Variants in MTA3 observed in about 807,000 individuals in gnomAD.
MTA3 encodes metastasis-associated protein MTA3.
Under a neutral mutation model 83.5 loss-of-function variants are expected in MTA3, and 34 were observed. The ratio of observed to expected loss-of-function variants is 0.41; its 90% CI spans 0.31 to 0.54. The LOEUF is 0.54. Among genes scored for constraint, MTA3 ranks in the 20% least tolerant of loss-of-function variants. The pLI is 0.33. For missense variants in MTA3, 761 were observed against 726.4 expected (o/e 1.05, Z -0.55); for synonymous variants, 303 against 252.7 (o/e 1.20, Z -1.89).
intron 16 of MTA3, among the ~76,000 whole-genome samples, chr2:42,728,448 A>G (rs1468585815): frequency 1.3e-5 from 2 of 152,190 alleles, no homozygotes; most frequent in East Asian, 1.9e-4. Flanking sequence ...TCTTTTGGGT[A>G]TATAACAGCA....
intron 3 of MTA3, among the ~76,000 whole-genome samples, chr2:42,597,045 C>T (rs570513245): frequency 5.3e-5 from 8 of 151,854 alleles, no homozygotes; most frequent in Admixed American, 4.6e-4. Context: ...GCTGGGACAA[C>T]AGGAGCAAAC....
chr2:42,639,570 T>C (rs1029333463), intron 4 of MTA3, among the ~76,000 whole-genome samples: 1 of 152,218 alleles, frequency 6.6e-6, no homozygotes, highest in South Asian at 2.1e-4. Flanking sequence ...CTGTCAGACC[T>C]CAAGGTCCGT....
At chr2:42,599,971 C>T (rs932924701) in intron 3 of MTA3, among the ~76,000 whole-genome samples, 8 of 151,464 alleles carry the variant, frequency 5.3e-5, no homozygotes, top group Non-Finnish European at 1.0e-4. Context: ...CCGAGGCGGG[C>T]GGATCACGAG....
chr2:42,625,218 G>C (rs1018522643), intron 4 of MTA3, among the ~76,000 whole-genome samples: 1 of 151,622 alleles, frequency 6.6e-6, no homozygotes, highest in African/African-American at 2.4e-5. Flanking sequence ...TTTTAGTAGA[G>C]ATGGGGTTTC....
chr2:42,673,149 A>G (rs1314982039), intron 8 of MTA3, among the ~76,000 whole-genome samples: 1 of 150,988 alleles, frequency 6.6e-6, no homozygotes, highest in Non-Finnish European at 1.5e-5. Flanking sequence ...CCACCACACC[A>G]GACCAGCATA....
At chr2:42,580,147 A>G (rs960582209) in intron 3 of MTA3, among the ~76,000 whole-genome samples, 4 of 151,938 alleles carry the variant, frequency 2.6e-5, no homozygotes, top group South Asian at 2.1e-4. Context: ...GAGTCTCCCT[A>G]TGTTTCTCAG....
At chr2:42,537,374 G>A (rs1251293767) in intron 2 of MTA3, among the ~76,000 whole-genome samples, 1 of 152,076 alleles carries the variant, frequency 6.6e-6, no homozygotes, top group Non-Finnish European at 1.5e-5. Flanking sequence ...GACCAGCCTG[G>A]CCAAACATGG....
intron 3 of MTA3, among the ~76,000 whole-genome samples, chr2:42,598,232 A>C: frequency 6.6e-6 from 1 of 151,666 alleles, no homozygotes; most frequent in South Asian, 2.1e-4. Flanking sequence ...CACCCAGCTA[A>C]TTTTTTGTAT....
At chr2:42,663,112 T>C (rs956296397) in intron 8 of MTA3, among the ~76,000 whole-genome samples, 12 of 152,228 alleles carry the variant, frequency 7.9e-5, no homozygotes, top group African/African-American at 2.4e-4. Flanking sequence ...TAAACTATTA[T>C]TTATGTAACC....
intron 14 of MTA3, among the ~76,000 whole-genome samples, chr2:42,715,487 A>G (rs905507977): frequency 7.0e-5 from 10 of 143,480 alleles, no homozygotes; most frequent in African/African-American, 2.4e-4. Context: ...ATCATGGCTC[A>G]CTATAGCCTC....
intron 4 of MTA3, chr2:42,613,645 G>A (rs969457344): frequency 2.6e-5 from 4 of 152,204 alleles, no homozygotes; most frequent in African/African-American, 9.6e-5. Flanking sequence ...ACTATCAAGT[G>A]CCCAGAATTT....
chr2:42,747,544 T>A lies in MTA3; in HGVS notation c.1760-5830T>A, dbSNP rs536182341. ...AAGGTCAAGGAGAGAGACTCTGTTT[T>A]CTGAGGCCTGCTCTTGAAGCTTTAA... On this transcript the variant is annotated intron_variant, in intron 16 of 16. Transcript: ENST00000405094. Among the ~76,000 whole-genome samples the A allele has an allele frequency of 2.0e-5, 3 of 151,952 alleles. No homozygotes were observed. In the East Asian group the frequency reaches 5.9e-4, roughly 30 times the overall value.
At chr2:42,532,853 G>T in intron 2 of MTA3, 1 of 375,928 alleles carries the variant, frequency 2.7e-6, no homozygotes. Context: ...GAGCTGGCTG[G>T]CACTTCAGTT....
chr2:42,648,912 A>G (rs1187356880), intron 6 of MTA3, among the ~76,000 whole-genome samples: 1 of 152,194 alleles, frequency 6.6e-6, no homozygotes, highest in African/African-American at 2.4e-5. Context: ...ACTATGTTTT[A>G]ATTGAGTAAC....
chr2:42,568,824 G>A (rs1393040596), intron 1 of MTA3, 51 bp downstream of exon 1: 2 of 1,210,568 alleles, frequency 1.7e-6, no homozygotes, highest in Middle Eastern at 3.0e-4. Context: ...TTCCGGGAGC[G>A]GGGGGCCGGG....
intron 2 of MTA3, among the ~76,000 whole-genome samples, chr2:42,495,869 G>A (rs1271182193): frequency 6.6e-6 from 1 of 152,194 alleles, no homozygotes; most frequent in Non-Finnish European, 1.5e-5. Flanking sequence ...AGAAGGGTCT[G>A]TTCTGAGAAA....
At chr2:42,573,413 A>C (rs1678704148) in intron 2 of MTA3, among the ~76,000 whole-genome samples, 1 of 151,982 alleles carries the variant, frequency 6.6e-6, no homozygotes, top group East Asian at 1.9e-4. Context: ...TGGTATGATG[A>C]TAGCTCACTG....
rs1667258095 is a variant in MTA3, at chr2:42,719,505, CTT to C, written c.1612+432_1612+433del. ...AAAATGAGATCAAACTGGTTTATAA[CTT>C]ATCTTAAAATAATTATAGGTTTTAA... On this transcript the variant is annotated intron_variant, in intron 15 of 16. Transcript: ENST00000405094. Among the ~76,000 whole-genome samples, 4 of 152,226 alleles carry C rather than the reference CTT, an allele frequency of 2.6e-5. No individual in the cohort carries two copies. The South Asian group carries it at 6.2e-4, about 24-fold the overall frequency.
rs187727088 is a variant in MTA3 at position 42,655,522 on chromosome 2, T to C, written c.500-678T>C. 2.0e-5 allele frequency among the ~76,000 whole-genome samples: 3 copies of C among 152,356 alleles called. No individual in the cohort carries two copies. In the East Asian group the frequency reaches 5.8e-4, roughly 29 times the overall value. ...TCTTCAGATTCTTATGCTATAACTG[T>C]TAATATGTGTCTCTTATTCTATTTA... On this transcript the variant is annotated intron_variant, in intron 6 of 16. Transcript: ENST00000405094.
Sources: gnomAD v4.1 joint callset for allele counts (sites outside exome capture counted in the v4.1 genomes callset) on GRCh38, gnomAD v4.1.1 for gene constraint, MANE v1.5 for transcripts, NCBI Gene and HGNC (gene_info 2026-07-23, HGNC 2026-07-21) for gene names.